The following NFIC variants were observed in gnomAD, a reference collection of about 807,000 sequenced individuals.
NFIC encodes the protein nuclear factor I C, also known as nuclear factor 1 C-type.
NFIC carries 12 observed loss-of-function variants against 54.4 expected under a neutral mutation model. The observed-to-expected ratio is 0.22, with a 90% CI of 0.14 to 0.36. NFIC has a LOEUF of 0.36. NFIC is among the 10% of genes least tolerant of loss of function. The pLI is 1.00. For synonymous variants in NFIC, 322 were observed against 319.2 expected, an observed-to-expected ratio of 1.01 and a Z score of -0.09; for missense variants, 575 against 718.2, an observed-to-expected ratio of 0.80 and a Z score of 2.28.
At position 3,405,587 on chromosome 19, in the gene NFIC, T is replaced by C. The variant is rs1261787838; in HGVS notation, c.563-19519T>C. On this transcript the variant is annotated intron_variant, in intron 2 of 10. Transcript: ENST00000443272. ...GGAATTCCTTTCTATTTTTATTTAA[T>C]TTAATTTATTTATTTATTTATTTAT... 2.0e-5 allele frequency among the ~76,000 whole-genome samples: 3 copies of C among 151,714 alleles called. 1 individual carries two copies. Among genetic ancestry groups the C allele is most frequent in the Admixed American group, 2.0e-4 (3 of 15,218 alleles).
At chr19:3,382,605 A>G (rs1337999937) in intron 2 of NFIC, among the ~76,000 whole-genome samples, 1 of 151,468 alleles carries the variant, frequency 6.6e-6, no homozygotes, top group Non-Finnish European at 1.5e-5. Context: ...TGGGGGTGAC[A>G]TGGTGCAAGG....
intron 6 of NFIC, among the ~76,000 whole-genome samples, chr19:3,437,234 G>A (rs577440335): frequency 1.4e-4 from 22 of 152,216 alleles, no homozygotes; most frequent in Admixed American, 3.3e-4. Context: ...CGGGCGTGGC[G>A]GCGGGTGCCT....
chr19:3,438,429 CTTT>C lies in NFIC; in HGVS notation c.958+3240_958+3242del, dbSNP rs59788026. Among the ~76,000 whole-genome samples, 183 of 124,050 alleles carry C rather than the reference CTTT, an allele frequency of 1.5e-3. 1 individual carries two copies. The highest frequency in any genetic ancestry group is 0.013 in the Middle Eastern group (3 of 238). The allele number at this position is 124,050 out of a possible 152,430, so 81.4% of individuals were successfully genotyped here. A position where few individuals can be genotyped will look rare whatever the true frequency, so the allele number is the denominator to read the frequency against. On this transcript the variant is annotated intron_variant, in intron 6 of 10. Transcript: ENST00000443272. ...CAAACTCACTCCCTCCTGAGGGTTT[CTTT>C]TTTTTTTTTTTTTTTTTCTTTTTGA...
intron 6 of NFIC, among the ~76,000 whole-genome samples, chr19:3,441,862 G>A (rs1000569371): frequency 6.6e-6 from 1 of 152,184 alleles, no homozygotes. Context: ...ACCCTGGGAT[G>A]CTCCTCCTCC....
intron 10 of NFIC, chr19:3,456,991 G>A (rs2082569494): frequency 2.8e-6 from 1 of 362,372 alleles, no homozygotes; most frequent in African/African-American, 2.1e-5. Flanking sequence ...GTCTGCCCAG[G>A]GTCACACAGT....
At chr19:3,364,363 A>G (rs955989012), upstream of NFIC, among the ~76,000 whole-genome samples, 1 of 152,096 alleles carries the variant, frequency 6.6e-6, no homozygotes, top group South Asian at 2.1e-4. Context: ...GCGTCGCCCC[A>G]TTTCACAGAG....
Position 3,463,117 on chromosome 19 carries a change from C to T in NFIC, c.*348C>T. ...GGACAGGGCGTCTTCCTAAGTTATT[C>T]ATCTCCTCTCCGCCTGCTGCTCGGG... On this transcript the variant is annotated 3_prime_UTR_variant, in exon 11 of 11. Coordinates refer to ENST00000443272, the MANE Select transcript of NFIC (RefSeq NM_001245002.2). The T allele has an allele frequency of 8.4e-7, 1 of 1,190,652 alleles. No individual in the cohort carries two copies. The highest frequency in any genetic ancestry group is 1.0e-6 in the Non-Finnish European group (1 of 958,350). The allele number at this position is 1,190,652 out of a possible 1,614,324, so 73.8% of individuals were successfully genotyped here. A position where few individuals can be genotyped will look rare whatever the true frequency, so the allele number is the denominator to read the frequency against.
At chr19:3,387,751 G>A (rs2081320213) in intron 2 of NFIC, among the ~76,000 whole-genome samples, 3 of 152,120 alleles carry the variant, frequency 2.0e-5, no homozygotes, top group Admixed American at 2.0e-4. Flanking sequence ...ATGTTCAGGG[G>A]GTAGTGAGTG....
Position 3,360,015 on chromosome 19 carries a change from G to A in NFIC, c.3+330G>A, listed in dbSNP as rs1435880015. ...GGCCGGGCCCCCGCCCCCTCCCCGG[G>A]CCAGACCCCAGGCGGGAGGGCGCGG... On this transcript the variant is annotated intron_variant, in intron 1 of 9. Coordinates refer to the NFIC transcript ENST00000395111. Among the ~76,000 whole-genome samples, 4 of 149,660 alleles carry A rather than the reference G, an allele frequency of 2.7e-5. No homozygotes were observed. The East Asian group carries it at 8.0e-4, about 30-fold the overall frequency.
chr19:3,415,223 C>T (rs2081834329), intron 2 of NFIC, among the ~76,000 whole-genome samples: 1 of 151,710 alleles, frequency 6.6e-6, no homozygotes, highest in South Asian at 2.1e-4. Flanking sequence ...AACAATTCTC[C>T]TGCCTCAGCC....
chr19:3,370,508 C>T lies in NFIC; in HGVS notation c.30+3842C>T, dbSNP rs951100371. Among the ~76,000 whole-genome samples, 2 of 148,606 alleles carry T rather than the reference C, an allele frequency of 1.3e-5. No individual in the cohort carries two copies. Among genetic ancestry groups the T allele is most frequent in the Admixed American group, 6.7e-5 (1 of 14,994 alleles). On this transcript the variant is annotated intron_variant, in intron 1 of 10. Transcript: ENST00000443272. This position sits in a 1 kb window ranked among gnomAD's most constrained non-coding sequence, Gnocchi z 5.2. ...CTCTCTCTCTCTCTCTCTCTGTCTC[C>T]CTCCCTTTCTCCCCCCATCTCGCTC...
chr19:3,398,480 C>T (rs2145527599), intron 2 of NFIC, among the ~76,000 whole-genome samples: 1 of 152,318 alleles, frequency 6.6e-6, no homozygotes, highest in South Asian at 2.1e-4. Context: ...CTCCCCTGCC[C>T]TCTCTGGGCC....
At chr19:3,372,937 C>T (rs867398601) in intron 1 of NFIC, among the ~76,000 whole-genome samples, 3 of 152,200 alleles carry the variant, frequency 2.0e-5, no homozygotes, top group South Asian at 2.1e-4. Context: ...CTCCGCCTCC[C>T]GGGTTCAAGC....
intron 5 of NFIC, 43 bp from the exon 6 acceptor site, chr19:3,435,040 C>T: frequency 2.6e-6 from 4 of 1,526,036 alleles, no homozygotes; most frequent in South Asian, 1.2e-5. Flanking sequence ...CCCCGCCCCG[C>T]GTCTCCCTGG....
rs1182506915 is a variant in NFIC, at chr19:3,462,834, C to A, written c.*65C>A. The A allele has an allele frequency of 1.9e-6, 3 of 1,609,720 alleles. No individual in the cohort carries two copies. Among genetic ancestry groups the A allele is most frequent in the African/African-American group, 1.3e-5 (1 of 74,722 alleles). On this transcript the variant is annotated 3_prime_UTR_variant, in exon 11 of 11. Transcript: ENST00000443272. ...GAATCCCAGGGGGCAGCACAGCCGG[C>A]CCCCGGCCCACGTTTTCGGTGGAAA...
At position 3,458,345 on chromosome 19, in the gene NFIC, G is replaced by A. The variant is rs754200921; in HGVS notation, c.1509+1710G>A. Among the ~76,000 whole-genome samples, 37 of 152,174 alleles carry A rather than the reference G, an allele frequency of 2.4e-4. No individual in the cohort carries two copies. Among genetic ancestry groups the A allele is most frequent in the Non-Finnish European group, 4.7e-4 (32 of 68,030 alleles). ...CTGCGGGAGGCTGGGAACGTCTTAA[G>A]TGGTTCAGAAACCAAAGCTAATAAA... On this transcript the variant is annotated intron_variant, in intron 10 of 10. Coordinates refer to ENST00000443272, the MANE Select transcript of NFIC (RefSeq NM_001245002.2). This position sits in a 1 kb window ranked among gnomAD's most constrained non-coding sequence, Gnocchi z 4.1.
Position 3,397,862 on chromosome 19 carries a change from C to T in NFIC, c.562+15619C>T, listed in dbSNP as rs141087575. Among the ~76,000 whole-genome samples, 661 of 152,308 alleles carry T rather than the reference C, an allele frequency of 4.3e-3. 5 individuals are homozygous for T. Among genetic ancestry groups the T allele is most frequent in the African/African-American group, 0.015 (633 of 41,574 alleles). ...CAAGGTGGACCACTCATGTGTCTGACGGGGGTGGGGAGCTGTGTACCTACA... is the reference window on the plus strand; with the variant it reads ...CAAGGTGGACCACTCATGTGTCTGATGGGGGTGGGGAGCTGTGTACCTACA... On this transcript the variant is annotated intron_variant, in intron 2 of 10. Transcript: ENST00000443272.
chr19:3,360,735 G>A (rs1193242926), intron 1 of NFIC, among the ~76,000 whole-genome samples: 1 of 152,236 alleles, frequency 6.6e-6, no homozygotes, highest in African/African-American at 2.4e-5. Flanking sequence ...GCGACTGTGC[G>A]CGCGTCCCTG....
chr19:3,381,859 G>A lies in NFIC; in HGVS notation c.178G>A (p.Glu60Lys). The A allele has an allele frequency of 1.2e-6, 2 of 1,614,008 alleles. No individual in the cohort carries two copies. The highest frequency in any genetic ancestry group is 1.7e-6 in the Non-Finnish European group (2 of 1,179,964). Residue 60 changes from glutamate (E) to lysine (K), a missense_variant, in exon 2 of 11, where the codon GAG becomes AAG. Coordinates refer to ENST00000443272, the MANE Select transcript of NFIC (RefSeq NM_001245002.2). Reference protein sequence around the residue: ...SKDEERAVKDELLGEKPEVKQ... With the variant: ...SKDEERAVKDKLLGEKPEVKQ... ...GGACGAGGAGCGTGCGGTCAAGGAC[G>A]AGCTGCTGGGCGAGAAGCCCGAGGT...
Sources: allele counts gnomAD v4.1 joint callset (sites outside exome capture counted in the v4.1 genomes callset), GRCh38; gene constraint gnomAD v4.1.1; non-coding constraint Gnocchi (gnomAD v3.1); transcripts MANE v1.5; gene names NCBI Gene and HGNC (gene_info 2026-07-23, HGNC 2026-07-21).